The following USP32 variants were observed in gnomAD, a reference collection of about 807,000 sequenced individuals.
The protein encoded by USP32 is ubiquitin carboxyl-terminal hydrolase 32.
A neutral mutation model predicts 204.8 loss-of-function variants in USP32; 59 were observed. The observed-to-expected ratio is 0.29, with a 90% CI of 0.23 to 0.36. The LOEUF (loss-of-function observed/expected upper bound fraction) is 0.36, where lower values mean the gene tolerates loss of function less well. Among genes scored for constraint, USP32 ranks in the 10% least tolerant of loss-of-function variants. The pLI is 1.00. For synonymous variants in USP32, 517 were observed against 678.4 expected, an observed-to-expected ratio of 0.76 and a Z score of 3.70; for missense variants, 1,160 against 1,946.4, an observed-to-expected ratio of 0.60 and a Z score of 7.60.
intron 3 of USP32, among the ~76,000 whole-genome samples, chr17:60,297,026 T>C (rs188191019): frequency 2.6e-5 from 4 of 152,208 alleles, no homozygotes; most frequent in Admixed American, 2.6e-4. Flanking sequence ...GACAGACTCT[T>C]TGTGGCAGAA....
At chr17:60,403,557 C>G (rs2089952368) in intron 1 of USP32, among the ~76,000 whole-genome samples, 1 of 152,108 alleles carries the variant, frequency 6.6e-6, no homozygotes, top group South Asian at 2.1e-4. Context: ...AGATCAGGTC[C>G]AGGGGGACTA....
rs2145379564 is a variant in USP32 at position 60,185,888 on chromosome 17, C to T, written c.3643-237G>A. The T allele has an allele frequency of 7.2e-6, 3 of 415,952 alleles. No individual in the cohort carries two copies. The East Asian group carries it at 1.1e-4, about 15-fold the overall frequency. 25.8% of individuals were successfully genotyped at this position (415,952 alleles called of 1,614,324 possible). On this transcript the variant is annotated intron_variant, in intron 29 of 33. Transcript: ENST00000300896. Reference sequence around the variant, plus strand: ...ACCAGCCTGGTCAAAAGAGTGAGACCCTGTCTCTGTAAAAGAAAAATCTAA... The same window carrying T: ...ACCAGCCTGGTCAAAAGAGTGAGACTCTGTCTCTGTAAAAGAAAAATCTAA...
At chr17:60,186,730 G>C (rs2084261568) in intron 29 of USP32, among the ~76,000 whole-genome samples, 3 of 152,208 alleles carry the variant, frequency 2.0e-5, no homozygotes, top group African/African-American at 7.2e-5. Context: ...AATGGGCGGG[G>C]TGCAGGGATG....
intron 1 of USP32, among the ~76,000 whole-genome samples, chr17:60,398,826 A>T (rs541967698): frequency 2.3e-3 from 356 of 152,042 alleles, no homozygotes; most frequent in African/African-American, 7.2e-3. Flanking sequence ...AAAAAAAAAA[A>T]TTTAATTAGC....
intron 5 of USP32, among the ~76,000 whole-genome samples, chr17:60,283,103 G>T (rs2087011041): frequency 6.6e-6 from 1 of 152,194 alleles, no homozygotes; most frequent in African/African-American, 2.4e-5. Flanking sequence ...GACAGAAAAG[G>T]CAGCATCTGA....
chr17:60,355,478 A>G (rs1293368078), intron 1 of USP32, among the ~76,000 whole-genome samples: 1 of 152,208 alleles, frequency 6.6e-6, no homozygotes, highest in Non-Finnish European at 1.5e-5. Flanking sequence ...CAGCAAGAAC[A>G]CTATCAAAAA....
intron 1 of USP32, among the ~76,000 whole-genome samples, chr17:60,409,705 T>G (rs2090004546): frequency 6.6e-6 from 1 of 152,182 alleles, no homozygotes; most frequent in African/African-American, 2.4e-5. Flanking sequence ...TAGGCCAAAC[T>G]AACTATGGGA....
chr17:60,228,561 A>G (rs2085459972), intron 12 of USP32, among the ~76,000 whole-genome samples: 1 of 146,254 alleles, frequency 6.8e-6, no homozygotes, highest in African/African-American at 2.6e-5. Flanking sequence ...TCATGTCTGT[A>G]ATCCCTGCAC....
intron 1 of USP32, among the ~76,000 whole-genome samples, chr17:60,364,883 AC>A (rs1169391807): frequency 1.3e-5 from 2 of 152,154 alleles, no homozygotes; most frequent in Non-Finnish European, 2.9e-5. Context: ...TACAAGTCAA[AC>A]CTTATATTTT....
chr17:60,223,537 T>TC lies in USP32; in HGVS notation c.1481_1482insG (p.His495ThrfsTer2). The TC allele has an allele frequency of 6.2e-7, 1 of 1,613,162 alleles. No individual in the cohort carries two copies. The highest frequency in any genetic ancestry group is 1.1e-5 in the South Asian group (1 of 90,648). On this transcript the variant is annotated frameshift_variant, in exon 14 of 34. Transcript: ENST00000300896. LOFTEE classifies it high-confidence loss of function. Reference sequence around the variant, plus strand: ...GGTTGTTATTGTCAGAAGTGTTATGTTGTCGAGCAAAGCAAACATCTGCCC... The same window carrying TC: ...GGTTGTTATTGTCAGAAGTGTTATGTCTGTCGAGCAAAGCAAACATCTGCCC...
At chr17:60,222,578 C>T (rs1371623094) in intron 14 of USP32, 29 bp from the exon 15 acceptor site, 10 of 1,600,152 alleles carry the variant, frequency 6.2e-6, no homozygotes, top group Non-Finnish European at 8.5e-6. Flanking sequence ...ACAATGTTGA[C>T]TTTCAATATT....
chr17:60,274,022 T>C (rs977950506), intron 5 of USP32, among the ~76,000 whole-genome samples: 2 of 147,688 alleles, frequency 1.4e-5, no homozygotes, highest in East Asian at 2.0e-4. Context: ...TAACAGATGA[T>C]GTAATTAACA....
rs1336887677 is a variant in USP32 at position 60,236,227 on chromosome 17, G to C, written c.1150C>G (p.Arg384Gly). 6.2e-7 allele frequency: 1 copy of C among 1,613,592 alleles called. No individual in the cohort carries two copies. The highest frequency in any genetic ancestry group is 1.7e-4 in the Middle Eastern group (1 of 6,060). Reference sequence around the variant, plus strand: ...GCTTGCAGACCATACCTGCTCTCTCGTTCTAACCATCCTCTGTATGTACAA... The same window carrying C: ...GCTTGCAGACCATACCTGCTCTCTCCTTCTAACCATCCTCTGTATGTACAA... ...EGQIIRGWLE[R>G]ESRYGLQAGH... Residue 384 changes from arginine to glycine, a missense_variant, in exon 12 of 34, where the codon CGA becomes GGA. Physicochemically the swap from Arg to Gly is moderately radical, Grantham distance 125 (BLOSUM62 -2). Coordinates refer to ENST00000300896, the MANE Select transcript of USP32 (RefSeq NM_032582.4).
At position 60,355,647 on chromosome 17, in the gene USP32, G is replaced by C. The variant is rs538958937; in HGVS notation, c.59-10039C>G. Among the ~76,000 whole-genome samples the C allele has an allele frequency of 2.0e-5, 3 of 151,780 alleles. No homozygotes were observed. The East Asian group carries it at 5.8e-4, about 29-fold the overall frequency. ...GAATTGTTTGAGCCTAAGAGTTTAA[G>C]ACCAGCCTGGGCAACATGGCAAACA... On this transcript the variant is annotated intron_variant, in intron 1 of 33. Coordinates refer to ENST00000300896, the MANE Select transcript of USP32 (RefSeq NM_032582.4).
At chr17:60,289,242 T>C (rs966041549) in intron 4 of USP32, among the ~76,000 whole-genome samples, 2 of 152,172 alleles carry the variant, frequency 1.3e-5, no homozygotes, top group Non-Finnish European at 2.9e-5. Context: ...TCTCCTGACC[T>C]TGTGATCTGC....
rs761083826 is a variant in USP32 at position 60,222,512 on chromosome 17, C to T, written c.1646G>A (p.Arg549Gln). ...SLTLEGGRLKRTPQLIHGRDY... is the reference protein window; with the variant it reads ...SLTLEGGRLKQTPQLIHGRDY... Reference sequence around the variant, plus strand: ...TCTTCCATGAATCAGCTGTGGAGTTCGTTTTAATCGTCCTCCTTCTAGTGT... The same window carrying T: ...TCTTCCATGAATCAGCTGTGGAGTTTGTTTTAATCGTCCTCCTTCTAGTGT... The change falls in exon 15 of 34, where the codon CGA becomes CAA. Residue 549 changes from arginine to glutamine, a missense_variant. Around this residue, in one of 8 missense-constraint regions of USP32, gnomAD observed 536 missense variants for 680.9 expected, o/e 0.79. Coordinates refer to ENST00000300896, the MANE Select transcript of USP32 (RefSeq NM_032582.4). 1.2e-5 allele frequency: 19 copies of T among 1,613,852 alleles called. No homozygotes were observed. Among genetic ancestry groups the T allele is most frequent in the East Asian group, 6.7e-5 (3 of 44,894 alleles).
Position 60,329,534 on chromosome 17 carries a change from C to G in USP32, c.186+15947G>C, listed in dbSNP as rs2088327179. Among the ~76,000 whole-genome samples, 3 of 150,984 alleles carry G rather than the reference C, an allele frequency of 2.0e-5. No homozygotes were observed. In the South Asian group the frequency reaches 6.3e-4, roughly 32 times the overall value. On this transcript the variant is annotated intron_variant, in intron 2 of 33. Transcript: ENST00000300896. ...ATGTTGCCCAGGCTGGCCTTGAACT[C>G]CTGGCCTCAAGCATTCCTCCCACTT... is the stretch of plus-strand genomic sequence containing the variant.
chr17:60,260,381 G>C (rs2086422031), intron 9 of USP32, among the ~76,000 whole-genome samples: 2 of 151,944 alleles, frequency 1.3e-5, no homozygotes, highest in South Asian at 2.1e-4. Context: ...AAATTAGCTG[G>C]GTGTGGTGGC....
chr17:60,345,921 G>C (rs955180461), intron 1 of USP32, among the ~76,000 whole-genome samples: 6 of 152,100 alleles, frequency 3.9e-5, no homozygotes, highest in African/African-American at 1.4e-4. Flanking sequence ...GATGGAGGTT[G>C]CACTGAGCCA....
Sources: gnomAD v4.1 joint callset for allele counts (sites outside exome capture counted in the v4.1 genomes callset) on GRCh38, gnomAD v4.1.1 for gene constraint, gnomAD v4.1.1 regional missense constraint, MANE v1.5 for transcripts, NCBI Gene and HGNC (gene_info 2026-07-23, HGNC 2026-07-21) for gene names.